The following XPOT variants were observed in gnomAD, a reference collection of about 807,000 sequenced individuals.
XPOT encodes the protein exportin-T.
A neutral mutation model predicts 128.2 loss-of-function variants in XPOT; 34 were observed. The ratio of observed to expected loss-of-function variants is 0.27; its 90% CI spans 0.20 to 0.35. XPOT has a LOEUF of 0.35. Among genes scored for constraint, XPOT ranks in the 10% least tolerant of loss-of-function variants. The probability of loss-of-function intolerance (pLI) is 1.00; values close to 1 mark genes in which losing one functional copy is unlikely to be tolerated. For synonymous variants in XPOT, 348 were observed against 394.3 expected, an observed-to-expected ratio of 0.88 and a Z score of 1.39; for missense variants, 838 against 1,125.3, an observed-to-expected ratio of 0.74 and a Z score of 3.65.
At chr12:64,420,012 G>T in intron 6 of XPOT, 58 bp from the exon 7 acceptor site, 1 of 1,468,870 alleles carries the variant, frequency 6.8e-7, no homozygotes, top group Non-Finnish European at 9.1e-7. Context: ...AGTATATTCA[G>T]ATATCAAACA....
At chr12:64,424,227 A>G (rs551954780) in intron 11 of XPOT, among the ~76,000 whole-genome samples, 8 of 152,336 alleles carry the variant, frequency 5.3e-5, no homozygotes, top group African/African-American at 1.9e-4. Context: ...AGCCCATTCT[A>G]GTGCTAGAGT....
At chr12:64,417,056 A>G (rs1430211147) in intron 4 of XPOT, among the ~76,000 whole-genome samples, 2 of 152,110 alleles carry the variant, frequency 1.3e-5, no homozygotes, top group African/African-American at 4.8e-5. Flanking sequence ...GTCTCTACAA[A>G]AAATACAGAA....
At position 64,435,692 on chromosome 12, in the gene XPOT, T is replaced by G; in HGVS notation, c.2733+18T>G. 1.3e-6 allele frequency: 2 copies of G among 1,591,424 alleles called. No individual in the cohort carries two copies. The highest frequency in any genetic ancestry group is 1.7e-6 in the Non-Finnish European group (2 of 1,166,638). ...TCAAACGGGTAAGCCTTTTAGTCCA[T>G]GCCCCTTCATTTTCATCTCACATGT... On this transcript the variant is annotated intron_variant, in intron 22 of 24. Coordinates refer to ENST00000332707, the MANE Select transcript of XPOT (RefSeq NM_007235.6).
At chr12:64,429,901 A>G (rs553800298) in intron 16 of XPOT, 148 bp from the exon 17 acceptor site, 24 of 642,196 alleles carry the variant, frequency 3.7e-5, no homozygotes, top group African/African-American at 2.0e-4. Flanking sequence ...TTTTCATTCT[A>G]TGGTCCTGGG....
intron 22 of XPOT, 125 bp downstream of exon 22, chr12:64,435,799 G>A (rs193155321): frequency 1.6e-4 from 141 of 896,434 alleles, no homozygotes; most frequent in Non-Finnish European, 2.2e-4. Flanking sequence ...GGGGAAAGGG[G>A]ATGAATGAAA....
rs1465885240 is a variant in XPOT, at chr12:64,434,642, T to C, written c.2569+19T>C. The C allele has an allele frequency of 6.3e-7, 1 of 1,596,376 alleles. No homozygotes were observed. The highest frequency in any genetic ancestry group is 1.1e-5 in the South Asian group (1 of 90,660). On this transcript the variant is annotated intron_variant, in intron 20 of 24. Transcript: ENST00000332707. ...CTCTGGGGTAAGATAATTTTATTTC[T>C]TAACCTTCATTTCCCAAACTCTTTC...
At position 64,425,185 on chromosome 12, in the gene XPOT, A is replaced by G. The variant is rs755261939; in HGVS notation, c.1452+3A>G. ...CTTTGCAGGATATGATGCGAACTGT[A>G]AGTATACTGGAGATAATTTTGACCA... is the stretch of plus-strand genomic sequence containing the variant. On this transcript the variant is annotated splice_donor_region_variant and intron_variant, in intron 13 of 24. Transcript: ENST00000332707. 1.2e-6 allele frequency: 2 copies of G among 1,614,050 alleles called. No individual in the cohort carries two copies. Among genetic ancestry groups the G allele is most frequent in the East Asian group, 4.5e-5 (2 of 44,872 alleles).
chr12:64,417,999 A>T (rs779404066), intron 4 of XPOT, 47 bp from the exon 5 acceptor site: 11 of 1,486,564 alleles, frequency 7.4e-6, no homozygotes, highest in Non-Finnish European at 9.3e-6. Flanking sequence ...TTACAACCAT[A>T]GACACCAAAT....
At chr12:64,434,078 T>A (rs2040261539) in intron 19 of XPOT, among the ~76,000 whole-genome samples, 1 of 152,144 alleles carries the variant, frequency 6.6e-6, no homozygotes, top group Non-Finnish European at 1.5e-5. Flanking sequence ...TGCAGTGGTG[T>A]CATCACGACT....
chr12:64,406,122 C>T (rs1206893183), intron 1 of XPOT, among the ~76,000 whole-genome samples: 1 of 152,216 alleles, frequency 6.6e-6, no homozygotes, highest in Non-Finnish European at 1.5e-5. Flanking sequence ...GTCGCCCAGG[C>T]GGGAGTGCAA....
At chr12:64,414,155 C>T (rs774787320) in intron 2 of XPOT, among the ~76,000 whole-genome samples, 3 of 152,180 alleles carry the variant, frequency 2.0e-5, no homozygotes, top group Admixed American at 6.5e-5. Flanking sequence ...GGAAGAGTGC[C>T]TGAAGTAACT....
intron 23 of XPOT, among the ~76,000 whole-genome samples, chr12:64,442,331 C>T (rs1438519774): frequency 6.6e-6 from 1 of 151,914 alleles, no homozygotes; most frequent in African/African-American, 2.4e-5. Flanking sequence ...GACGGGGTCA[C>T]CACATTGGCC....
chr12:64,424,612 C>T lies in XPOT; in HGVS notation c.1196C>T (p.Ala399Val). The change falls in exon 12 of 25, where the codon GCC (alanine) becomes GTC (valine). Residue 399 changes from alanine to valine, a missense_variant. Around this residue, in one of 3 missense-constraint regions of XPOT, gnomAD observed 761 missense variants for 988.3 expected, o/e 0.77. Coordinates refer to ENST00000332707, the MANE Select transcript of XPOT (RefSeq NM_007235.6). ...YNFENEGEDE[A>V]MFVEYRKQLK... ...CCTGTATCATAGGGTGAAGATGAAGCCATGTTTGTAGAATATAGAAAACAA... is the reference window on the plus strand; with the variant it reads ...CCTGTATCATAGGGTGAAGATGAAGTCATGTTTGTAGAATATAGAAAACAA... The T allele has an allele frequency of 1.9e-6, 3 of 1,611,854 alleles. No homozygotes were observed. Among genetic ancestry groups the T allele is most frequent in the Non-Finnish European group, 2.5e-6 (3 of 1,179,828 alleles).
chr12:64,420,351 A>G lies in XPOT; in HGVS notation c.675-2A>G. 6.2e-7 allele frequency: 1 copy of G among 1,609,564 alleles called. No homozygotes were observed. Among genetic ancestry groups the G allele is most frequent in the Non-Finnish European group, 8.5e-7 (1 of 1,178,758 alleles). ...GTTACAATTTTATTGTCCCATTACC[A>G]GGTTTATAAATATGCTGCTAGGTCA... On this transcript the variant is annotated splice_acceptor_variant, in intron 7 of 24. Coordinates refer to ENST00000332707, the MANE Select transcript of XPOT (RefSeq NM_007235.6). LOFTEE classifies it high-confidence loss of function.
intron 3 of XPOT, 75 bp downstream of exon 3, chr12:64,415,064 T>G (rs2040075572): frequency 1.1e-6 from 1 of 919,684 alleles, no homozygotes; most frequent in Admixed American, 2.2e-5. Context: ...TACCTGTATT[T>G]GGAAAGTGTT....
intron 8 of XPOT, among the ~76,000 whole-genome samples, chr12:64,420,816 T>G (rs2040130974): frequency 6.6e-6 from 1 of 152,216 alleles, no homozygotes; most frequent in African/African-American, 2.4e-5. Flanking sequence ...TGTTTTGTTT[T>G]TTGAGATGGA....
intron 15 of XPOT, among the ~76,000 whole-genome samples, chr12:64,427,117 C>CTTTT (rs869255660): frequency 7.8e-6 from 1 of 128,744 alleles, no homozygotes; most frequent in African/African-American, 2.9e-5. Context: ...TACTCCCGAC[C>CTTTT]TTTTTTTTTT....
chr12:64,442,577 G>C (rs1332251839), intron 23 of XPOT: 1 of 152,264 alleles, frequency 6.6e-6, no homozygotes, highest in Non-Finnish European at 1.5e-5. Flanking sequence ...GCCTGGATAG[G>C]GCACCTGCCC....
intron 11 of XPOT, 79 bp from the exon 12 acceptor site, chr12:64,424,520 G>C: frequency 6.6e-7 from 1 of 1,525,432 alleles, no homozygotes; most frequent in Non-Finnish European, 9.0e-7. Context: ...TGTTACATAG[G>C]TATACATGTA....
Sources: gnomAD v4.1 joint callset for allele counts (sites outside exome capture counted in the v4.1 genomes callset) on GRCh38, gnomAD v4.1.1 for gene constraint, gnomAD v4.1.1 regional missense constraint, MANE v1.5 for transcripts, NCBI Gene and HGNC (gene_info 2026-07-23, HGNC 2026-07-21) for gene names.